Variants in PRDX3 observed in about 807,000 individuals in gnomAD.
PRDX3 encodes thioredoxin-dependent peroxide reductase, mitochondrial.
Under a neutral mutation model 30.4 loss-of-function variants are expected in PRDX3, and 20 were observed. That is an observed-to-expected ratio of 0.66 (90% CI 0.46 to 0.96). The LOEUF (loss-of-function observed/expected upper bound fraction) is 0.96. Ranked by LOEUF, PRDX3 falls within the 40% of genes least tolerant of loss-of-function variation. The pLI, the probability that PRDX3 is intolerant of heterozygous loss-of-function variation, is 0.00. For missense variants in PRDX3, 322 were observed against 318.3 expected, an observed-to-expected ratio of 1.01 and a Z score of -0.09; for synonymous variants, 124 against 117.8, an observed-to-expected ratio of 1.05 and a Z score of -0.34.
At chr10:119,174,049 T>G (rs4752257) in intron 3 of PRDX3, among the ~76,000 whole-genome samples, 177 bp from the exon 4 acceptor site, 21,557 of 152,188 alleles carry the variant, frequency 0.14, 1,738 homozygotes, top group Middle Eastern at 0.21. Flanking sequence ...CACCTTTTTA[T>G]TTTTAGGAAT....
intron 5 of PRDX3, among the ~76,000 whole-genome samples, chr10:119,171,907 G>C (rs1327690493): frequency 6.6e-6 from 1 of 152,210 alleles, no homozygotes; most frequent in Non-Finnish European, 1.5e-5. Flanking sequence ...TGCAGAGTCT[G>C]ATGGCTTCAA....
chr10:119,177,522 G>A (rs36051731), intron 1 of PRDX3, among the ~76,000 whole-genome samples: 2,965 of 152,020 alleles, frequency 0.02, 47 homozygotes, highest in Middle Eastern at 0.085. Context: ...GCCAGGCGGC[G>A]GTGGCGGGCA....
Position 119,177,128 on chromosome 10 carries a change from G to C in PRDX3, c.62C>G (p.Pro21Arg). The stretch of plus-strand genomic sequence containing the variant: ...GGCTGCAGTGGCAGAAATGCCCCAA[G>C]GAATGGCACTCACATGTCGGGCAAC... ...ASVARHVSAI[P>R]WGISATAALR... The change falls in exon 2 of 7, where the codon CCT (proline) becomes CGT (arginine). Residue 21 changes from proline to arginine, a missense_variant. By Grantham distance (103) the Pro-to-Arg change is moderately radical. Transcript: ENST00000298510. 1.2e-6 allele frequency: 2 copies of C among 1,613,462 alleles called. No homozygotes were observed. Among genetic ancestry groups the C allele is most frequent in the African/African-American group, 1.3e-5 (1 of 75,032 alleles).
intron 1 of PRDX3, 66 bp downstream of exon 1, chr10:119,178,689 G>C (rs1245945659): frequency 6.5e-7 from 1 of 1,534,138 alleles, no homozygotes; most frequent in African/African-American, 1.4e-5. Flanking sequence ...GCGGGGTCCT[G>C]TCTGAGAAGC....
intron 5 of PRDX3, among the ~76,000 whole-genome samples, chr10:119,172,139 C>A (rs551600944): frequency 1.3e-5 from 2 of 152,220 alleles, no homozygotes; most frequent in African/African-American, 4.8e-5. Flanking sequence ...AATTTTAATT[C>A]TTTTTAATAT....
intron 4 of PRDX3, among the ~76,000 whole-genome samples, chr10:119,173,377 A>C (rs1202611197): frequency 1.3e-5 from 2 of 152,230 alleles, no homozygotes; most frequent in African/African-American, 4.8e-5. Flanking sequence ...TGGGAGGCCA[A>C]GGTGGGCGGA....
chr10:119,172,500 A>T lies in PRDX3; in HGVS notation c.448-15T>A, dbSNP rs760624422. The stretch of plus-strand genomic sequence containing the variant: ...AAACCACCATTCTAATCAAAATGCA[A>T]ACATGACTGTTAGAATGTGTGGCCT... On this transcript the variant is annotated splice_polypyrimidine_tract_variant and intron_variant, in intron 4 of 6. Transcript: ENST00000298510. The T allele has an allele frequency of 3.1e-6, 5 of 1,596,058 alleles. No homozygotes were observed. Among genetic ancestry groups the T allele is most frequent in the Non-Finnish European group, 4.3e-6 (5 of 1,163,500 alleles).
chr10:119,172,322 G>A (rs1244441716), intron 5 of PRDX3, 60 bp downstream of exon 5: 1 of 1,385,402 alleles, frequency 7.2e-7, no homozygotes, highest in Non-Finnish European at 1.0e-6. Flanking sequence ...AATCCCCTAA[G>A]AAGCAGAATG....
At chr10:119,173,242 T>G (rs1847951230) in intron 4 of PRDX3, among the ~76,000 whole-genome samples, 1 of 152,164 alleles carries the variant, frequency 6.6e-6, no homozygotes, top group African/African-American at 2.4e-5. Context: ...CCGGCTGCTT[T>G]TTCTAATTCT....
intron 6 of PRDX3, 62 bp downstream of exon 6, chr10:119,169,115 G>T: frequency 6.4e-7 from 1 of 1,563,288 alleles, no homozygotes; most frequent in South Asian, 1.1e-5. Flanking sequence ...GGATATTTCA[G>T]GTCAATAGCT....
chr10:119,174,668 A>T (rs558510838), intron 2 of PRDX3, 76 bp from the exon 3 acceptor site: 4 of 1,365,750 alleles, frequency 2.9e-6, no homozygotes, highest in Non-Finnish European at 3.9e-6. Flanking sequence ...TAAACTTCTC[A>T]TAATTAATTA....
intron 2 of PRDX3, among the ~76,000 whole-genome samples, chr10:119,176,186 T>C (rs1848021883): frequency 6.6e-6 from 1 of 152,174 alleles, no homozygotes; most frequent in South Asian, 2.1e-4. Context: ...GACTTGCTTC[T>C]ACCCAGGAAT....
intron 2 of PRDX3, among the ~76,000 whole-genome samples, chr10:119,175,633 G>A (rs1848008859): frequency 1.3e-5 from 2 of 152,266 alleles, no homozygotes; most frequent in South Asian, 2.1e-4. Flanking sequence ...CTGACCTCGT[G>A]ATCTGCCAGC....
In PRDX3 at chr10:119,172,621, A is replaced by C; in HGVS notation, c.448-136T>G. The C allele has an allele frequency of 2.7e-6, 2 of 746,126 alleles. 1 individual carries two copies. The allele number at this position is 746,126 out of a possible 1,614,324, so 46.2% of individuals were successfully genotyped here. ...CAACGGGCCAAGCACTGCTTACTCT[A>C]TTAACCTACTGCCTCCTCGAAACCA... On this transcript the variant is annotated intron_variant, in intron 4 of 6. Coordinates refer to ENST00000298510, the MANE Select transcript of PRDX3 (RefSeq NM_006793.5).
chr10:119,176,870 T>G, intron 2 of PRDX3, 151 bp downstream of exon 2: 1 of 904,950 alleles, frequency 1.1e-6, no homozygotes, highest in Non-Finnish European at 1.7e-6. Context: ...CCCCACAGAC[T>G]AACTTGTCTG....
chr10:119,178,608 G>T, intron 1 of PRDX3, 147 bp downstream of exon 1: 1 of 1,020,906 alleles, frequency 9.8e-7, no homozygotes. Flanking sequence ...AACCTTCCCG[G>T]AGGGAGGCCT....
At chr10:119,168,660 A>G in intron 6 of PRDX3, 127 bp from the exon 7 acceptor site, 1 of 1,474,592 alleles carries the variant, frequency 6.8e-7, no homozygotes, top group South Asian at 1.4e-5. Flanking sequence ...TTTAAAACAT[A>G]AAGATGAAAG....
rs36064375 is a variant in PRDX3 at position 119,169,242 on chromosome 10, C to T, written c.652G>A (p.Ala218Thr). The T allele has an allele frequency of 9.3e-6, 15 of 1,613,376 alleles. No individual in the cohort carries two copies. In the African/African-American group the frequency reaches 1.7e-4, roughly 19 times the overall value. ...CCATGTGTTTCTACATACTGGAACG[C>T]CTTCACCAAGCGGAGGGTTTCTTCC... ...SVEETLRLVK[A>T]FQYVETHGEV... The change falls in exon 6 of 7, where the codon GCG becomes ACG. Residue 218 changes from alanine (A) to threonine (T), a missense_variant. Physicochemically the swap from Ala to Thr is moderately conservative, Grantham distance 58. Transcript: ENST00000298510.
At chr10:119,168,669 A>C (rs1847823760) in intron 6 of PRDX3, 136 bp from the exon 7 acceptor site, 1 of 1,457,098 alleles carries the variant, frequency 6.9e-7, no homozygotes, top group Non-Finnish European at 9.0e-7. Flanking sequence ...TAAAGATGAA[A>C]GTTTCATTAA....
Sources: gnomAD v4.1 joint callset for allele counts (sites outside exome capture counted in the v4.1 genomes callset) on GRCh38, gnomAD v4.1.1 for gene constraint, MANE v1.5 for transcripts, NCBI Gene and HGNC (gene_info 2026-07-23, HGNC 2026-07-21) for gene names.